Variants in ZBTB20 observed in about 807,000 individuals in gnomAD.
The protein encoded by ZBTB20 is zinc finger and BTB domain containing 20, also known as zinc finger and BTB domain-containing protein 20.
Under a neutral mutation model 56.9 loss-of-function variants are expected in ZBTB20, and 9 were observed. That is an observed-to-expected ratio of 0.16 (90% CI 0.10 to 0.28). The LOEUF (loss-of-function observed/expected upper bound fraction) is 0.28, where lower values mean the gene tolerates loss of function less well. Ranked by LOEUF, ZBTB20 falls within the 10% of genes least tolerant of loss-of-function variation. The probability of loss-of-function intolerance (pLI) is 1.00; values close to 1 mark genes in which losing one functional copy is unlikely to be tolerated. For synonymous variants in ZBTB20, 417 were observed against 420.7 expected (o/e 0.99, Z 0.11); for missense variants, 655 against 1,003.0 (o/e 0.65, Z 4.69).
rs1380105308 is a variant in ZBTB20, at chr3:114,315,979, C to A, written c.*23026G>T. 1 of 149,230 alleles carries A rather than the reference C, an allele frequency of 6.7e-6. No individual in the cohort carries two copies. Among genetic ancestry groups the A allele is most frequent in the African/African-American group, 2.5e-5 (1 of 40,380 alleles). The allele number at this position is 149,230 out of a possible 1,614,324, so 9.2% of individuals were successfully genotyped here. A position where few individuals can be genotyped will look rare whatever the true frequency, so the allele number is the denominator to read the frequency against. On this transcript the variant is annotated 3_prime_UTR_variant, in exon 12 of 12. Transcript: ENST00000675478. ...TTTTTTGTTTTTTTGTTTTTTTTTT[C>A]AGTTTTTATTTCAAACATTAAGAGA...
chr3:115,107,851 T>A (rs1029165049), intron 1 of ZBTB20, among the ~76,000 whole-genome samples: 4 of 152,210 alleles, frequency 2.6e-5, no homozygotes, highest in African/African-American at 9.6e-5. Context: ...TGGACATAGA[T>A]GAATCTGGAA....
intron 7 of ZBTB20, among the ~76,000 whole-genome samples, chr3:114,396,559 T>C (rs1370745244): frequency 1.3e-5 from 2 of 152,190 alleles, no homozygotes; most frequent in African/African-American, 4.8e-5. Flanking sequence ...GGTACAGTTA[T>C]TGGTCATCAG....
intron 7 of ZBTB20, among the ~76,000 whole-genome samples, chr3:114,392,958 C>T (rs1419838724): frequency 6.6e-6 from 1 of 152,224 alleles, no homozygotes; most frequent in African/African-American, 2.4e-5. Flanking sequence ...CAGAAAAGCT[C>T]AGCTCTTAAA....
At chr3:114,631,409 TTG>T (rs1553771887) in intron 6 of ZBTB20, among the ~76,000 whole-genome samples, 1 of 139,186 alleles carries the variant, frequency 7.2e-6, no homozygotes, top group Non-Finnish European at 1.5e-5. Context: ...TTTTTTTTTT[TTG>T]AGATGGCGTC....
intron 5 of ZBTB20, among the ~76,000 whole-genome samples, chr3:114,728,631 G>C (rs1205619223): frequency 6.6e-6 from 1 of 152,194 alleles, no homozygotes; most frequent in African/African-American, 2.4e-5. Flanking sequence ...CTCAAGAGGA[G>C]GCTATTTCAT....
chr3:115,057,261 AT>A (rs201096851), intron 2 of ZBTB20, among the ~76,000 whole-genome samples: 1,905 of 148,980 alleles, frequency 0.013, 19 homozygotes, highest in African/African-American at 0.032. Context: ...TGTGTTCTTT[AT>A]TTTTTTTTCT....
intron 6 of ZBTB20, among the ~76,000 whole-genome samples, chr3:114,523,135 G>C (rs2046824808): frequency 6.6e-6 from 1 of 152,144 alleles, no homozygotes; most frequent in African/African-American, 2.4e-5. Flanking sequence ...AATCAGGAGA[G>C]TGTGGTGGAC....
intron 5 of ZBTB20, among the ~76,000 whole-genome samples, chr3:114,713,635 A>C (rs1184043826): frequency 6.6e-6 from 1 of 152,146 alleles, no homozygotes; most frequent in Non-Finnish European, 1.5e-5. Context: ...AGTCTGAAAA[A>C]CACTGCATTT....
chr3:114,952,279 TG>T (rs2077093814), intron 3 of ZBTB20, among the ~76,000 whole-genome samples: 1 of 152,042 alleles, frequency 6.6e-6, no homozygotes, highest in African/African-American at 2.4e-5. Context: ...AGTGAGTTGT[TG>T]ATAAAAAGAA....
chr3:114,517,980 T>A (rs1195507954), intron 6 of ZBTB20, among the ~76,000 whole-genome samples: 1 of 152,100 alleles, frequency 6.6e-6, no homozygotes, highest in Non-Finnish European at 1.5e-5. Context: ...GAGCTCACAT[T>A]CTAAGGGGAA....
chr3:114,967,323 T>C (rs2077686793), intron 3 of ZBTB20, among the ~76,000 whole-genome samples: 1 of 152,150 alleles, frequency 6.6e-6, no homozygotes, highest in Admixed American at 6.5e-5. Context: ...TTTTATCCAA[T>C]AAAAAACATA....
intron 6 of ZBTB20, among the ~76,000 whole-genome samples, chr3:114,596,070 A>G (rs1419517594): frequency 6.6e-6 from 1 of 152,204 alleles, no homozygotes; most frequent in East Asian, 1.9e-4. Context: ...CCAACACAGT[A>G]ATATTTTTTC....
At chr3:114,481,171 A>G (rs1197181058) in intron 7 of ZBTB20, among the ~76,000 whole-genome samples, 3 of 151,946 alleles carry the variant, frequency 2.0e-5, no homozygotes, top group Non-Finnish European at 4.4e-5. Flanking sequence ...TGGATTGCAC[A>G]TTCTGTAAGA....
intron 2 of ZBTB20, among the ~76,000 whole-genome samples, chr3:114,995,459 A>G (rs1168101982): frequency 6.6e-6 from 1 of 151,824 alleles, no homozygotes; most frequent in Non-Finnish European, 1.5e-5. Flanking sequence ...CTGCTTTTCT[A>G]GTTTCCATTT....
At chr3:114,916,941 G>T (rs1187568639) in intron 3 of ZBTB20, among the ~76,000 whole-genome samples, 2 of 152,050 alleles carry the variant, frequency 1.3e-5, no homozygotes, top group Non-Finnish European at 2.9e-5. Flanking sequence ...CTCTAGGCTT[G>T]TGAAGTTCTC....
intron 8 of ZBTB20, among the ~76,000 whole-genome samples, chr3:114,385,235 C>T (rs2084951595): frequency 6.6e-6 from 1 of 152,136 alleles, no homozygotes; most frequent in African/African-American, 2.4e-5. Context: ...AACAATTTCC[C>T]TACTCTTTTC....
intron 4 of ZBTB20, among the ~76,000 whole-genome samples, chr3:114,804,509 A>C (rs1410469370): frequency 1.3e-5 from 2 of 151,910 alleles, no homozygotes; most frequent in Non-Finnish European, 2.9e-5. Flanking sequence ...TCTCTCTATA[A>C]TTTATTTATT....
At chr3:115,033,529 C>G (rs75768425) in intron 2 of ZBTB20, among the ~76,000 whole-genome samples, 1 of 151,398 alleles carries the variant, frequency 6.6e-6, no homozygotes, top group Non-Finnish European at 1.5e-5. Context: ...TATGTATATA[C>G]CCAAAAGAAA....
At position 114,351,526 on chromosome 3, in the gene ZBTB20, T is replaced by A; in HGVS notation, c.552A>T (p.Thr184=). Residue 184 remains threonine (T), a synonymous_variant, in exon 11 of 12, where the codon ACA becomes ACT. Coordinates refer to ENST00000675478, the MANE Select transcript of ZBTB20 (RefSeq NM_001348800.3). ...CGATGCGCGTGCACTCGTCGATGAC[T>A]GTTTTGATCTGCAGGATGCTGGCGG... ...LTAASILQIK[T]VIDECTRIVS... The A allele has an allele frequency of 6.2e-7, 1 of 1,614,058 alleles. No individual in the cohort carries two copies. Among genetic ancestry groups the A allele is most frequent in the African/African-American group, 1.3e-5 (1 of 75,052 alleles).
Sources: allele counts gnomAD v4.1 joint callset (sites outside exome capture counted in the v4.1 genomes callset), GRCh38; gene constraint gnomAD v4.1.1; transcripts MANE v1.5; gene names NCBI Gene and HGNC (gene_info 2026-07-23, HGNC 2026-07-21).